The following TENM2 variants were observed in gnomAD, a reference collection of about 807,000 sequenced individuals.
The protein encoded by TENM2 is teneurin transmembrane protein 2.
In TENM2, 52 loss-of-function variants were observed where a neutral mutation model predicts 245.2. The ratio of observed to expected loss-of-function variants is 0.21; its 90% CI spans 0.17 to 0.27. TENM2 has a LOEUF of 0.27. TENM2 is among the 10% of genes least tolerant of loss of function. The probability of loss-of-function intolerance (pLI) is 1.00; values close to 1 mark genes in which losing one functional copy is unlikely to be tolerated. For synonymous variants in TENM2, 1,363 were observed against 1,438.9 expected (o/e 0.95, Z 1.19); for missense variants, 3,046 against 3,666.8 (o/e 0.83, Z 4.37).
intron 2 of TENM2, among the ~76,000 whole-genome samples, chr5:167,576,895 T>C (rs2127672427): frequency 6.6e-6 from 1 of 152,356 alleles, no homozygotes. Flanking sequence ...TCTTTCATTA[T>C]ATGATTTTGA....
At chr5:168,176,198 C>T (rs1450121799) in intron 13 of TENM2, among the ~76,000 whole-genome samples, 1 of 152,210 alleles carries the variant, frequency 6.6e-6, no homozygotes, top group African/African-American at 2.4e-5. Context: ...AGAATCCTTT[C>T]AGAAGTCAGA....
chr5:167,744,419 G>A (rs1761413034), intron 2 of TENM2, among the ~76,000 whole-genome samples: 1 of 152,120 alleles, frequency 6.6e-6, no homozygotes, highest in African/African-American at 2.4e-5. Flanking sequence ...GACCCTCCTA[G>A]CCATGACTGA....
Position 167,522,924 on chromosome 5 carries a change from A to G in TENM2, c.502+147451A>G, listed in dbSNP as rs570338904. On this transcript the variant is annotated intron_variant, in intron 2 of 28. Coordinates refer to ENST00000518659, the Ensembl canonical transcript of TENM2. The stretch of plus-strand genomic sequence containing the variant: ...AATTATCGTAAACCAGCTGGCTTAA[A>G]ACAACAAAAATTCATTTTTTTGCAG... Among the ~76,000 whole-genome samples, 29 of 151,418 alleles carry G rather than the reference A, an allele frequency of 1.9e-4. No individual in the cohort carries two copies. The South Asian group carries it at 6.0e-3, about 31-fold the overall frequency.
the TENM2 span, among the ~76,000 whole-genome samples, chr5:167,273,883 A>G: frequency 1.3e-5 from 2 of 152,122 alleles, no homozygotes; most frequent in Non-Finnish European, 2.9e-5. Flanking sequence ...GAGGCCAGGT[A>G]TGTGGCATTG....
the TENM2 span, among the ~76,000 whole-genome samples, chr5:167,241,741 G>A: frequency 2.0e-5 from 3 of 152,274 alleles, no homozygotes; most frequent in Non-Finnish European, 4.4e-5. Flanking sequence ...TTTTAGTGGA[G>A]CGATGGGAAC....
intron 2 of TENM2, among the ~76,000 whole-genome samples, chr5:167,608,853 C>T (rs1777246262): frequency 6.6e-6 from 1 of 152,152 alleles, no homozygotes; most frequent in South Asian, 2.1e-4. Context: ...AACGCCTTCT[C>T]TTGGAAGGGG....
intron 2 of TENM2, among the ~76,000 whole-genome samples, chr5:167,863,663 T>TA (rs1055560155): frequency 2.0e-4 from 30 of 151,994 alleles, no homozygotes; most frequent in Non-Finnish European, 3.5e-4. Context: ...AAATAAATAT[T>TA]AAAAAATACT....
intron 2 of TENM2, among the ~76,000 whole-genome samples, chr5:167,444,656 T>C (rs1765060041): frequency 6.6e-6 from 1 of 152,204 alleles, no homozygotes; most frequent in South Asian, 2.1e-4. Context: ...CATTAGTTTT[T>C]ACTATATTGT....
the TENM2 span, among the ~76,000 whole-genome samples, chr5:167,196,822 T>A: frequency 6.6e-6 from 1 of 151,878 alleles, no homozygotes; most frequent in African/African-American, 2.4e-5. Flanking sequence ...AGGATGCGTG[T>A]AGGTTACATG....
chr5:167,358,896 C>A (rs1225854096), intron 1 of TENM2, among the ~76,000 whole-genome samples: 3 of 151,584 alleles, frequency 2.0e-5, no homozygotes, highest in African/African-American at 7.3e-5. Flanking sequence ...GATAGTAACT[C>A]TCTCTTAGTT....
intron 3 of TENM2, among the ~76,000 whole-genome samples, chr5:167,942,517 C>T (rs32415): frequency 0.36 from 53,984 of 151,888 alleles, 12,752 homozygotes; most frequent in African/African-American, 0.68. Context: ...AGAAACCTTT[C>T]TTCTAGTGGA....
At chr5:167,096,125 T>C in the TENM2 span, among the ~76,000 whole-genome samples, 1 of 152,162 alleles carries the variant, frequency 6.6e-6, no homozygotes, top group Non-Finnish European at 1.5e-5. Flanking sequence ...TTTTATTTAA[T>C]TGGAAAATAG....
At chr5:167,389,356 T>C (rs926273296) in intron 2 of TENM2, among the ~76,000 whole-genome samples, 12 of 151,800 alleles carry the variant, frequency 7.9e-5, no homozygotes, top group Non-Finnish European at 1.6e-4. Flanking sequence ...GATGCATATA[T>C]CCTTCAGTCT....
intron 1 of TENM2, among the ~76,000 whole-genome samples, chr5:167,341,348 T>C (rs1758087009): frequency 6.6e-6 from 1 of 152,200 alleles, no homozygotes; most frequent in Non-Finnish European, 1.5e-5. Flanking sequence ...GTATTTTTTT[T>C]CCAAACTACC....
chr5:167,959,046 G>A (rs1360070489), intron 4 of TENM2, among the ~76,000 whole-genome samples: 1 of 152,094 alleles, frequency 6.6e-6, no homozygotes, highest in Non-Finnish European at 1.5e-5. Flanking sequence ...GGTTGGGGAA[G>A]TTCTCCTGGA....
At chr5:167,979,458 T>C (rs959233559) in intron 4 of TENM2, among the ~76,000 whole-genome samples, 1 of 152,080 alleles carries the variant, frequency 6.6e-6, no homozygotes, top group African/African-American at 2.4e-5. Context: ...TATAGGAAGA[T>C]TATCTCTGAG....
intron 2 of TENM2, among the ~76,000 whole-genome samples, chr5:167,446,789 A>ACATG (rs1561962970): frequency 2.5e-5 from 2 of 80,108 alleles, no homozygotes; most frequent in Non-Finnish European, 4.9e-5. Context: ...AGTTTTTGAA[A>ACATG]CACGCACACA....
At chr5:167,019,396 T>C in the TENM2 span, among the ~76,000 whole-genome samples, 1 of 152,176 alleles carries the variant, frequency 6.6e-6, no homozygotes, top group Non-Finnish European at 1.5e-5. Context: ...TGTGAAAGAC[T>C]CAGCTTGGCA....
At chr5:167,440,296 C>T (rs957996279) in intron 2 of TENM2, among the ~76,000 whole-genome samples, 2 of 152,094 alleles carry the variant, frequency 1.3e-5, no homozygotes, top group South Asian at 2.1e-4. Flanking sequence ...ATAAAAGCTT[C>T]AATGCTAAGT....
Sources: gnomAD v4.1 joint callset for allele counts (sites outside exome capture counted in the v4.1 genomes callset) on GRCh38, gnomAD v4.1.1 for gene constraint, MANE v1.5 for transcripts, NCBI Gene and HGNC (gene_info 2026-07-23, HGNC 2026-07-21) for gene names.